The following PDE8A variants were observed in gnomAD, a reference collection of about 807,000 sequenced individuals.
PDE8A encodes the protein phosphodiesterase 8A.
A neutral mutation model predicts 105.0 loss-of-function variants in PDE8A; 59 were observed. The observed-to-expected ratio is 0.56, with a 90% CI of 0.46 to 0.70. The LOEUF (loss-of-function observed/expected upper bound fraction) is 0.70. Among genes scored for constraint, PDE8A ranks in the 30% least tolerant of loss-of-function variants. PDE8A has a pLI of 0.00. For synonymous variants in PDE8A, 355 were observed against 371.9 expected (o/e 0.95, Z 0.52); for missense variants, 1,014 against 1,045.9 (o/e 0.97, Z 0.42).
chr15:85,030,366 C>G (rs1455600664), intron 1 of PDE8A, among the ~76,000 whole-genome samples: 2 of 151,946 alleles, frequency 1.3e-5, no homozygotes, highest in Non-Finnish European at 2.9e-5. Context: ...TCTTTGTCTC[C>G]CAGCCACAGT....
intron 15 of PDE8A, 104 bp from the exon 16 acceptor site, chr15:85,115,880 A>G: frequency 9.6e-7 from 1 of 1,042,840 alleles, no homozygotes; most frequent in Non-Finnish European, 1.4e-6. Context: ...AGACTGTACC[A>G]CAACACTCCA....
rs1264196662 is a variant in PDE8A, at chr15:85,120,789, G to C, written c.1735-8G>C. On this transcript the variant is annotated splice_region_variant and splice_polypyrimidine_tract_variant and intron_variant, in intron 17 of 21. Transcript: ENST00000394553. ...TACCCCAGTTTTTAAAAGCTCTCTT[G>C]TTTTCAGGAAACTTTAGATCCAATT... 4 of 1,583,006 alleles carry C rather than the reference G, an allele frequency of 2.5e-6. No individual in the cohort carries two copies. The highest frequency in any genetic ancestry group is 3.6e-5 in the Admixed American group (2 of 55,870).
intron 1 of PDE8A, among the ~76,000 whole-genome samples, chr15:85,012,202 A>G (rs571816615): frequency 1.3e-3 from 205 of 152,334 alleles, no homozygotes; most frequent in African/African-American, 4.5e-3. Flanking sequence ...TACTGGGTGT[A>G]TACCCAAAGG....
intron 1 of PDE8A, among the ~76,000 whole-genome samples, chr15:85,005,276 G>A (rs1302533623): frequency 6.6e-6 from 1 of 151,988 alleles, no homozygotes; most frequent in Admixed American, 6.6e-5. Context: ...CACCACATCT[G>A]GCTAATGTTT....
chr15:84,995,309 G>A (rs911450210), intron 1 of PDE8A, among the ~76,000 whole-genome samples: 2 of 137,840 alleles, frequency 1.5e-5, no homozygotes, highest in African/African-American at 2.7e-5. Context: ...GAGTTACACA[G>A]TATGTACCTT....
rs149340266 is a variant in PDE8A, at chr15:85,108,985, AT to A, written c.1037-66del. On this transcript the variant is annotated intron_variant, in intron 11 of 21. Coordinates refer to ENST00000394553, the MANE Select transcript of PDE8A (RefSeq NM_002605.3). ...GTTGAGAGTTTTAAAAAAATTTTAG[AT>A]TGGTAACCTTCCTTAATATGTTGTT... The A allele has an allele frequency of 1.0e-2, 11,139 of 1,114,318 alleles. 84 individuals are homozygous for A. The highest frequency in any genetic ancestry group is 0.017 in the Middle Eastern group (82 of 4,920). 69.0% of individuals were successfully genotyped at this position (1,114,318 alleles called of 1,614,324 possible).
chr15:85,005,314 C>G (rs528357455), intron 1 of PDE8A, among the ~76,000 whole-genome samples: 4 of 152,086 alleles, frequency 2.6e-5, no homozygotes. Context: ...AAGGTTCTCA[C>G]TATATTGCCC....
intron 1 of PDE8A, among the ~76,000 whole-genome samples, chr15:85,047,084 A>G (rs1282786484): frequency 6.6e-6 from 1 of 152,242 alleles, no homozygotes; most frequent in Non-Finnish European, 1.5e-5. Flanking sequence ...TTGTTTCTAT[A>G]TTGCTTAAAA....
chr15:85,029,969 G>T (rs61179859), intron 1 of PDE8A, among the ~76,000 whole-genome samples: 13,274 of 152,112 alleles, frequency 0.087, 1,599 homozygotes, highest in African/African-American at 0.27. Context: ...ACTGACCAGG[G>T]GTTCTGTGTG....
chr15:85,074,422 C>T (rs1478599240), intron 3 of PDE8A, among the ~76,000 whole-genome samples: 1 of 152,244 alleles, frequency 6.6e-6, no homozygotes. Context: ...GGGCATTTGG[C>T]TGAGTGTGCT....
intron 1 of PDE8A, among the ~76,000 whole-genome samples, chr15:85,008,776 C>T (rs981939906): frequency 6.6e-4 from 101 of 152,170 alleles, no homozygotes; most frequent in African/African-American, 2.2e-3. Context: ...CCTATTCCAC[C>T]TTGCCCCTGT....
chr15:85,079,891 C>T (rs2081437892), intron 5 of PDE8A, among the ~76,000 whole-genome samples: 1 of 151,372 alleles, frequency 6.6e-6, no homozygotes, highest in Non-Finnish European at 1.5e-5. Flanking sequence ...CCAGCCTGCA[C>T]AGTGGGAGCA....
intron 1 of PDE8A, among the ~76,000 whole-genome samples, chr15:85,002,551 C>T (rs1295809653): frequency 6.6e-6 from 1 of 152,222 alleles, no homozygotes. Context: ...ATTACATAGG[C>T]ATGGTTGATT....
chr15:85,077,526 C>T (rs2081396517), intron 5 of PDE8A, among the ~76,000 whole-genome samples: 1 of 152,136 alleles, frequency 6.6e-6, no homozygotes, highest in African/African-American at 2.4e-5. Context: ...AAATATAAAT[C>T]CTCCCCAGAG....
chr15:84,996,145 A>G (rs2079972239), intron 1 of PDE8A, among the ~76,000 whole-genome samples: 2 of 151,564 alleles, frequency 1.3e-5, no homozygotes, highest in Non-Finnish European at 2.9e-5. Context: ...TTCCTCAAGT[A>G]TCTTTTTCTT....
intron 1 of PDE8A, among the ~76,000 whole-genome samples, chr15:84,984,024 G>C (rs2079763370): frequency 6.6e-6 from 1 of 152,194 alleles, no homozygotes; most frequent in Non-Finnish European, 1.5e-5. Context: ...CATCCTTAAA[G>C]TGCCTAACCC....
intron 1 of PDE8A, among the ~76,000 whole-genome samples, chr15:85,054,015 T>C (rs2081018486): frequency 6.6e-6 from 1 of 151,826 alleles, no homozygotes; most frequent in South Asian, 2.1e-4. Context: ...TTATCGAGAG[T>C]TTTTAGCATG....
intron 1 of PDE8A, among the ~76,000 whole-genome samples, chr15:84,984,512 CTG>C (rs1220640094): frequency 1.3e-5 from 2 of 152,152 alleles, no homozygotes; most frequent in East Asian, 3.8e-4. Flanking sequence ...CTTATTAAAA[CTG>C]TAAGTCAGCA....
intron 1 of PDE8A, among the ~76,000 whole-genome samples, chr15:85,048,135 T>C (rs895277144): frequency 6.6e-6 from 1 of 152,148 alleles, no homozygotes; most frequent in African/African-American, 2.4e-5. Context: ...TATCTCTCTT[T>C]GATTCATTAC....
Sources: allele counts gnomAD v4.1 joint callset (sites outside exome capture counted in the v4.1 genomes callset), GRCh38; gene constraint gnomAD v4.1.1; transcripts MANE v1.5; gene names NCBI Gene and HGNC (gene_info 2026-07-23, HGNC 2026-07-21).